BLTP1: variants seen among roughly 807,000 people sequenced by gnomAD.
BLTP1 encodes the protein bridge-like lipid transfer protein family member 1, also known as fragile site-associated protein.
At chr4:122,257,263 A>C in the BLTP1 span, 1 of 1,613,486 alleles carries the variant, frequency 6.2e-7, no homozygotes, top group Non-Finnish European at 8.5e-7. Flanking sequence ...AGAGCGATGG[A>C]CTTCCTGCTT....
chr4:122,271,980 A>C, the BLTP1 span: 2 of 337,494 alleles, frequency 5.9e-6, no homozygotes, highest in East Asian at 1.7e-4. Flanking sequence ...TGGCTCTACT[A>C]TTCACTTTCA....
the BLTP1 span, among the ~76,000 whole-genome samples, chr4:122,290,439 A>G: frequency 6.6e-6 from 1 of 152,160 alleles, no homozygotes; most frequent in East Asian, 1.9e-4. Context: ...TTAAGACTAT[A>G]TCAAGCTGGT....
At chr4:122,165,128 A>G in the BLTP1 span, among the ~76,000 whole-genome samples, 2 of 151,798 alleles carry the variant, frequency 1.3e-5, no homozygotes, top group Non-Finnish European at 2.9e-5. Context: ...CGTGCAGGTT[A>G]GTTACATACG....
the BLTP1 span, chr4:122,299,007 T>G: frequency 1.0e-6 from 1 of 985,378 alleles, no homozygotes; most frequent in Non-Finnish European, 1.2e-6. Flanking sequence ...GCTTTATACT[T>G]GCGTTCAGGA....
At chr4:122,269,105 C>A in the BLTP1 span, 1 of 961,008 alleles carries the variant, frequency 1.0e-6, no homozygotes, top group Non-Finnish European at 1.2e-6. Flanking sequence ...GTTAAAATAT[C>A]TGAGCTAAAT....
the BLTP1 span, among the ~76,000 whole-genome samples, chr4:122,178,429 A>G: frequency 2.9e-4 from 44 of 152,364 alleles, no homozygotes; most frequent in African/African-American, 9.1e-4. Context: ...GCAGTGATGC[A>G]TAAACAAACG....
chr4:122,220,953 T>C, the BLTP1 span: 1 of 279,152 alleles, frequency 3.6e-6, no homozygotes, highest in Non-Finnish European at 5.4e-6. Context: ...GAACCAATGA[T>C]ATTCATCAAG....
At chr4:122,175,895 C>A in the BLTP1 span, 57 of 1,529,006 alleles carry the variant, frequency 3.7e-5, no homozygotes, top group South Asian at 6.0e-4. Flanking sequence ...AAATGTATAA[C>A]CCAAAACAGA....
chr4:122,189,789 T>A, the BLTP1 span: 1 of 895,960 alleles, frequency 1.1e-6, no homozygotes, highest in Non-Finnish European at 1.3e-6. Flanking sequence ...ATTTTATTAT[T>A]AAGTCCAACA....
the BLTP1 span, among the ~76,000 whole-genome samples, chr4:122,230,712 C>G: frequency 2.0e-5 from 3 of 152,154 alleles, no homozygotes; most frequent in East Asian, 5.8e-4. Flanking sequence ...AAGTTGCCAG[C>G]ACCTCTTACT....
chr4:122,154,129 A>G, the BLTP1 span: 1 of 927,404 alleles, frequency 1.1e-6, no homozygotes, highest in South Asian at 4.9e-5. Context: ...ATTTTTGGCT[A>G]AGTTTTAAAA....
chr4:122,357,234 G>A, the BLTP1 span, among the ~76,000 whole-genome samples: 1 of 152,006 alleles, frequency 6.6e-6, no homozygotes, highest in Admixed American at 6.6e-5. Context: ...GCTAACATTG[G>A]TTTACACACT....
chr4:122,220,280 CCTTA>C, the BLTP1 span: 2 of 1,580,090 alleles, frequency 1.3e-6, no homozygotes, highest in Non-Finnish European at 1.7e-6. Context: ...TCCTATACTT[CCTTA>C]CTTTTTGCCT....
chr4:122,164,689 G>A, the BLTP1 span, among the ~76,000 whole-genome samples: 1 of 151,998 alleles, frequency 6.6e-6, no homozygotes, highest in Non-Finnish European at 1.5e-5. Context: ...ATCAAAATTT[G>A]ATTATATTGG....
chr4:122,212,233 A>G, the BLTP1 span, among the ~76,000 whole-genome samples: 99 of 152,318 alleles, frequency 6.5e-4, 1 homozygote, highest in African/African-American at 2.1e-3. Context: ...ACCATAAATC[A>G]TCAGATGATG....
chr4:122,308,269 C>T, the BLTP1 span: 1 of 1,214,496 alleles, frequency 8.2e-7, no homozygotes, highest in Non-Finnish European at 1.2e-6. Context: ...CAGTTTATAA[C>T]TGTTTAGTAG....
the BLTP1 span, chr4:122,152,445 G>A: frequency 1.0e-6 from 1 of 985,782 alleles, no homozygotes; most frequent in South Asian, 4.7e-5. Flanking sequence ...CGGGGCTAAA[G>A]GGTGTGGGCA....
chr4:122,181,680 C>A, the BLTP1 span, among the ~76,000 whole-genome samples: 1 of 151,568 alleles, frequency 6.6e-6, no homozygotes, highest in East Asian at 1.9e-4. Flanking sequence ...AGTCTAAATT[C>A]TGTCCCTGAG....
the BLTP1 span, among the ~76,000 whole-genome samples, chr4:122,361,391 C>T: frequency 1.3e-5 from 2 of 152,126 alleles, no homozygotes; most frequent in African/African-American, 4.8e-5. Context: ...TACTCAGCCA[C>T]AGACAACATA....
Sources: gnomAD v4.1 joint callset for allele counts (sites outside exome capture counted in the v4.1 genomes callset) on GRCh38, gnomAD v4.1.1 for gene constraint, MANE v1.5 for transcripts, NCBI Gene and HGNC (gene_info 2026-07-23, HGNC 2026-07-21) for gene names.